HNRNPM: variants seen among roughly 807,000 people sequenced by gnomAD.
HNRNPM encodes the protein CEA receptor.
Under a neutral mutation model 73.1 loss-of-function variants are expected in HNRNPM, and 11 were observed. The ratio of observed to expected loss-of-function variants is 0.15; its 90% confidence interval spans 0.09 to 0.25. HNRNPM has a LOEUF of 0.25. Ranked by LOEUF, HNRNPM falls within the 10% of genes least tolerant of loss-of-function variation. HNRNPM has a pLI of 1.00. For synonymous variants in HNRNPM, 407 were observed against 355.2 expected (o/e 1.15, Z -1.64); for missense variants, 789 against 1,067.9 (o/e 0.74, Z 3.64).
chr19:8,477,958 G>T (rs1220148363), intron 12 of HNRNPM, among the ~76,000 whole-genome samples: 1 of 152,224 alleles, frequency 6.6e-6, no homozygotes, highest in Non-Finnish European at 1.5e-5. Context: ...AAGTGGTAGT[G>T]GTGGTGGAGG....
chr19:8,471,990 G>T (rs545152199), intron 10 of HNRNPM, among the ~76,000 whole-genome samples: 44 of 152,186 alleles, frequency 2.9e-4, no homozygotes, highest in African/African-American at 1.0e-3. Context: ...GGCCAACATG[G>T]TGAAACCCCA....
chr19:8,447,204 A>G (rs1018102508), intron 1 of HNRNPM, among the ~76,000 whole-genome samples: 6 of 151,320 alleles, frequency 4.0e-5, no homozygotes, highest in African/African-American at 1.5e-4. Context: ...AGCTTCATAG[A>G]GGATAGTTTA....
chr19:8,464,837 C>T (rs993915573), intron 5 of HNRNPM, among the ~76,000 whole-genome samples: 6 of 152,072 alleles, frequency 3.9e-5, no homozygotes, highest in African/African-American at 7.2e-5. Context: ...TGTTTTACTG[C>T]GCAGCCCTCA....
At chr19:8,484,999 G>A (rs1312531182) in intron 13 of HNRNPM, among the ~76,000 whole-genome samples, 2 of 151,950 alleles carry the variant, frequency 1.3e-5, no homozygotes, top group Admixed American at 6.6e-5. Context: ...GTGGCCAGCT[G>A]TGTGCATTTG....
In HNRNPM at chr19:8,456,621, T is replaced by G. The variant is rs182954185; in HGVS notation, c.283+1047T>G. On this transcript the variant is annotated intron_variant, in intron 2 of 15. Transcript: ENST00000325495. The stretch of plus-strand genomic sequence containing the variant: ...TTCAGTGACAGAGATGCCCCGTGGA[T>G]AGGCCATTTTGGTATGTGTACTGGT... Among the ~76,000 whole-genome samples the G allele has an allele frequency of 2.0e-5, 3 of 152,324 alleles. No individual in the cohort carries two copies. In the East Asian group the frequency reaches 5.8e-4, roughly 29 times the overall value.
intron 2 of HNRNPM, among the ~76,000 whole-genome samples, chr19:8,458,188 A>G (rs1032989280): frequency 6.6e-6 from 1 of 152,118 alleles, no homozygotes; most frequent in Non-Finnish European, 1.5e-5. Flanking sequence ...CCTCTTCCCC[A>G]TCTTTCATAC....
chr19:8,473,272 C>T (rs1378550043), intron 10 of HNRNPM, among the ~76,000 whole-genome samples: 3 of 151,812 alleles, frequency 2.0e-5, no homozygotes, highest in Non-Finnish European at 4.4e-5. Context: ...AAACCCTGCC[C>T]GACTGGGTCA....
chr19:8,489,041 G>A lies in HNRNPM; in HGVS notation c.*187G>A, dbSNP rs1599871816. On this transcript the variant is annotated 3_prime_UTR_variant, in exon 16 of 16. Transcript: ENST00000325495. The stretch of plus-strand genomic sequence containing the variant: ...TGTTTGCATTGAGATTGCAATGTGC[G>A]CAATTTTTTTTGTAGTTGTGGCATC... 10 of 545,532 alleles carry A rather than the reference G, an allele frequency of 1.8e-5. No homozygotes were observed. Among genetic ancestry groups the A allele is most frequent in the East Asian group, 1.2e-4 (4 of 32,142 alleles). The allele number at this position is 545,532 out of a possible 1,614,324, so 33.8% of individuals were successfully genotyped here.
At chr19:8,450,729 T>TATTA (rs78327498) in intron 1 of HNRNPM, among the ~76,000 whole-genome samples, 2,060 of 125,008 alleles carry the variant, frequency 0.016, 42 homozygotes, top group African/African-American at 0.047. Flanking sequence ...TTATTATTAT[T>TATTA]TTTTTTTTTT....
At chr19:8,445,191 TGGC>T (rs1293662007) in intron 1 of HNRNPM, 80 bp downstream of exon 1, 10 of 1,229,912 alleles carry the variant, frequency 8.1e-6, no homozygotes, top group Non-Finnish European at 9.5e-6. Context: ...TTAGGTCTGT[TGGC>T]GGCCTAGCCC....
At chr19:8,471,462 G>C in intron 10 of HNRNPM, 35 bp downstream of exon 10, 1 of 1,343,776 alleles carries the variant, frequency 7.4e-7, no homozygotes, top group Non-Finnish European at 1.0e-6. Flanking sequence ...TGGTGGTTTG[G>C]GGAAGTGAAA....
chr19:8,481,898 CAGTT>C (rs985646039), intron 12 of HNRNPM, among the ~76,000 whole-genome samples: 5 of 151,348 alleles, frequency 3.3e-5, no homozygotes, highest in Non-Finnish European at 5.9e-5. Flanking sequence ...TGTCCCACAG[CAGTT>C]AGTTGGGATA....
intron 1 of HNRNPM, among the ~76,000 whole-genome samples, chr19:8,448,413 T>A (rs561808238): frequency 2.0e-5 from 3 of 152,220 alleles, no homozygotes; most frequent in East Asian, 1.9e-4. Flanking sequence ...TTTTTAAAAT[T>A]TTTTTAAATG....
At chr19:8,478,098 A>G (rs1010694952) in intron 12 of HNRNPM, among the ~76,000 whole-genome samples, 1 of 152,192 alleles carries the variant, frequency 6.6e-6, no homozygotes, top group Non-Finnish European at 1.5e-5. Flanking sequence ...GCTGCACTGC[A>G]GGGGACCTCT....
Position 8,485,692 on chromosome 19 carries a change from G to T in HNRNPM, c.1264G>T (p.Gly422Cys). ...GGAGMERMGA[G>C]LGHGMDRVGS... The stretch of plus-strand genomic sequence containing the variant: ...TGCCGGCATGGAGCGCATGGGCGCG[G>T]GCCTGGGCCACGGCATGGATCGCGT... Residue 422 changes from glycine (G) to cysteine (C), a missense_variant, in exon 14 of 16, where the codon GGC becomes TGC. Gly to Cys is a radical substitution (Grantham distance 159, BLOSUM62 -3). Coordinates refer to ENST00000325495, the MANE Select transcript of HNRNPM (RefSeq NM_005968.5). 1.2e-6 allele frequency: 2 copies of T among 1,607,100 alleles called. No homozygotes were observed.
rs1970124121 is a variant in HNRNPM, at chr19:8,471,373, A to G, written c.943A>G (p.Ile315Val). Residue 315 changes from isoleucine (I) to valine (V), a missense_variant, in exon 10 of 16, where the codon ATT (isoleucine) becomes GTT (valine). Transcript: ENST00000325495. ...GMGLGPGGQP[I>V]DANHLNKGIG... ...GGGGTTAGGACCAGGAGGGCAACCC[A>G]TTGATGCCAATCACCTGAATAAAGG... 2 of 1,609,128 alleles carry G rather than the reference A, an allele frequency of 1.2e-6. No individual in the cohort carries two copies. Among genetic ancestry groups the G allele is most frequent in the Non-Finnish European group, 1.7e-6 (2 of 1,177,774 alleles).
rs751504246 is a variant in HNRNPM, at chr19:8,455,492, A to G, written c.201A>G (p.Pro67=). Residue 67 remains proline, a synonymous_variant, in exon 2 of 16, where the codon CCA becomes CCG. Coordinates refer to ENST00000325495, the MANE Select transcript of HNRNPM (RefSeq NM_005968.5). Reference sequence around the variant, plus strand: ...ATCGCTTTGAGCCATATGCCAATCCAACTAAAAGATACAGAGCCTTCATTA... The same window carrying G: ...ATCGCTTTGAGCCATATGCCAATCCGACTAAAAGATACAGAGCCTTCATTA... ...GGNRFEPYAN[P]TKRYRAFITN... 1 of 1,613,794 alleles carries G rather than the reference A, an allele frequency of 6.2e-7. No homozygotes were observed. The highest frequency in any genetic ancestry group is 1.7e-5 in the Admixed American group (1 of 60,008).
At chr19:8,453,341 A>G (rs906592803) in intron 1 of HNRNPM, among the ~76,000 whole-genome samples, 1 of 151,456 alleles carries the variant, frequency 6.6e-6, no homozygotes, top group Non-Finnish European at 1.5e-5. Context: ...GAGTTTCAGC[A>G]TGTTGGCCAG....
chr19:8,466,474 C>T, intron 7 of HNRNPM, 86 bp downstream of exon 7: 1 of 1,321,422 alleles, frequency 7.6e-7, no homozygotes, highest in Non-Finnish European at 1.1e-6. Flanking sequence ...GAAGAGGTGA[C>T]TGTGTGTATT....
Sources: gnomAD v4.1 joint callset for allele counts (sites outside exome capture counted in the v4.1 genomes callset) on GRCh38, gnomAD v4.1.1 for gene constraint, MANE v1.5 for transcripts, NCBI Gene and HGNC (gene_info 2026-07-23, HGNC 2026-07-21) for gene names.